EML6: variants seen among roughly 807,000 people sequenced by gnomAD.
The protein encoded by EML6 is echinoderm microtubule-associated protein-like 6.
EML6 carries 154 observed loss-of-function variants against 240.1 expected under a neutral mutation model. The ratio of observed to expected loss-of-function variants is 0.64; its 90% CI spans 0.56 to 0.73. The LOEUF is 0.73. EML6 is among the 30% of genes least tolerant of loss of function. The pLI, the probability that EML6 is intolerant of heterozygous loss-of-function variation, is 0.00. For missense variants in EML6, 2,964 were observed against 2,474.6 expected (o/e 1.20, Z -4.20); for synonymous variants, 1,148 against 899.0 (o/e 1.28, Z -4.95).
At chr2:54,908,746 A>G (rs1673479157) in intron 24 of EML6, among the ~76,000 whole-genome samples, 1 of 152,130 alleles carries the variant, frequency 6.6e-6, no homozygotes, top group Non-Finnish European at 1.5e-5. Context: ...CACAGGCCCA[A>G]AGTCCACATC....
At chr2:54,898,376 A>G (rs1352195112) in intron 21 of EML6, among the ~76,000 whole-genome samples, 1 of 152,178 alleles carries the variant, frequency 6.6e-6, no homozygotes, top group Non-Finnish European at 1.5e-5. Flanking sequence ...GGCTCAGTCT[A>G]TAGAAGAGCT....
At chr2:54,807,316 C>T (rs1408142282) in intron 2 of EML6, among the ~76,000 whole-genome samples, 1 of 152,108 alleles carries the variant, frequency 6.6e-6, no homozygotes, top group African/African-American at 2.4e-5. Flanking sequence ...AGCTATCAGC[C>T]AACATTTGTG....
intron 2 of EML6, among the ~76,000 whole-genome samples, chr2:54,791,265 GTCCT>G (rs1669436118): frequency 6.6e-6 from 1 of 152,312 alleles, no homozygotes; most frequent in South Asian, 2.1e-4. Context: ...CACAGTTACA[GTCCT>G]GCCGGTATGC....
At chr2:54,762,999 ACCC>A (rs1558532127) in intron 2 of EML6, among the ~76,000 whole-genome samples, 1 of 152,038 alleles carries the variant, frequency 6.6e-6, no homozygotes, top group Admixed American at 6.6e-5. Context: ...TATACTGGTA[ACCC>A]CCCAATTCCA....
chr2:54,768,291 G>A (rs933519175), intron 2 of EML6, among the ~76,000 whole-genome samples: 3 of 152,076 alleles, frequency 2.0e-5, no homozygotes, highest in African/African-American at 7.2e-5. Context: ...TTCAGCAACT[G>A]TCAGAGAATC....
chr2:54,909,959 A>G (rs1047291109), intron 24 of EML6, among the ~76,000 whole-genome samples: 1 of 151,964 alleles, frequency 6.6e-6, no homozygotes, highest in African/African-American at 2.4e-5. Flanking sequence ...TTATTTTGGT[A>G]TTATTTTTCT....
intron 26 of EML6, 95 bp from the exon 27 acceptor site, chr2:54,928,218 G>A: frequency 1.0e-6 from 1 of 978,700 alleles, no homozygotes; most frequent in Non-Finnish European, 1.6e-6. Context: ...CTGTTGAACT[G>A]TTTCCTTTGT....
intron 24 of EML6, among the ~76,000 whole-genome samples, chr2:54,908,461 C>G (rs1174483662): frequency 6.6e-6 from 1 of 152,072 alleles, no homozygotes; most frequent in Admixed American, 6.6e-5. Flanking sequence ...GTAATAATAA[C>G]AGATGAGTTT....
chr2:54,806,899 C>T (rs1670524070), intron 2 of EML6, among the ~76,000 whole-genome samples: 1 of 152,034 alleles, frequency 6.6e-6, no homozygotes, highest in South Asian at 2.1e-4. Flanking sequence ...AGAAACTGTT[C>T]TTTGCCAGTA....
intron 13 of EML6, among the ~76,000 whole-genome samples, chr2:54,865,071 A>G (rs1163350910): frequency 1.3e-5 from 2 of 152,234 alleles, no homozygotes; most frequent in African/African-American, 2.4e-5. Flanking sequence ...TGGAAATATT[A>G]TGCAAACACT....
chr2:54,969,079 G>A (rs1191285166), intron 41 of EML6, among the ~76,000 whole-genome samples: 1 of 152,206 alleles, frequency 6.6e-6, no homozygotes, highest in Non-Finnish European at 1.5e-5. Flanking sequence ...GATTTGAGTA[G>A]AAGCTCTTGG....
chr2:54,928,657 A>G lies in EML6; in HGVS notation c.3910A>G (p.Ile1304Val), dbSNP rs1344469079. Residue 1304 changes from isoleucine (I) to valine (V), a missense_variant, in exon 28 of 42, where the codon ATT (isoleucine) becomes GTT (valine). Ile to Val is a conservative substitution (Grantham distance 29). Transcript: ENST00000356458. The stretch of plus-strand genomic sequence containing the variant: ...CAGCGATGTTGCTAGAGAAAAGGCC[A>G]TTGACTACACCACCAAGATTTATGC... ...YDSDVAREKA[I>V]DYTTKIYAVS... 3 of 1,552,002 alleles carry G rather than the reference A, an allele frequency of 1.9e-6. No individual in the cohort carries two copies. The highest frequency in any genetic ancestry group is 4.9e-5 in the East Asian group (2 of 40,926).
intron 25 of EML6, among the ~76,000 whole-genome samples, chr2:54,916,025 G>A (rs1476661545): frequency 1.3e-5 from 2 of 152,152 alleles, no homozygotes; most frequent in African/African-American, 4.8e-5. Flanking sequence ...AAATATTCTA[G>A]CCAAGAATTT....
chr2:54,896,586 G>A (rs532987149), intron 21 of EML6, among the ~76,000 whole-genome samples: 24 of 152,282 alleles, frequency 1.6e-4, no homozygotes, highest in Middle Eastern at 3.4e-3. Flanking sequence ...GGTGAGGGGT[G>A]AAGGATGTGT....
chr2:54,900,721 C>G (rs990597704), intron 22 of EML6, among the ~76,000 whole-genome samples: 1 of 152,176 alleles, frequency 6.6e-6, no homozygotes, highest in Non-Finnish European at 1.5e-5. Flanking sequence ...CAAAGTCAAC[C>G]TGAAACCAGA....
rs2104388344 is a variant in EML6, at chr2:54,928,339, T to C, written c.3702T>C (p.Tyr1234=). 1 of 1,551,810 alleles carries C rather than the reference T, an allele frequency of 6.4e-7. No homozygotes were observed. Residue 1234 remains tyrosine, a synonymous_variant, in exon 27 of 42, where the codon TAT becomes TAC. Transcript: ENST00000356458. ...VKGQHARFKK[Y]VGHSAHVTNV... is the part of the protein sequence containing the mutation. ...GACAGCACGCAAGATTCAAGAAGTA[T>C]GTGGGGCACAGTGCACATGTCACTA...
chr2:54,742,193 C>G (rs149207062), intron 2 of EML6, among the ~76,000 whole-genome samples: 1 of 152,152 alleles, frequency 6.6e-6, no homozygotes, highest in Non-Finnish European at 1.5e-5. Flanking sequence ...TTAAAAACTC[C>G]GGCCAACTCT....
chr2:54,811,659 G>A (rs534120742), intron 2 of EML6, among the ~76,000 whole-genome samples: 5 of 152,326 alleles, frequency 3.3e-5, no homozygotes, highest in African/African-American at 1.2e-4. Flanking sequence ...AAGTGAATGA[G>A]CTAAAATATA....
intron 2 of EML6, among the ~76,000 whole-genome samples, chr2:54,755,803 G>A (rs1283119668): frequency 6.6e-6 from 1 of 152,064 alleles, no homozygotes; most frequent in African/African-American, 2.4e-5. Context: ...GGGACTACAG[G>A]TGCAGGCAAC....
Sources: allele counts gnomAD v4.1 joint callset (sites outside exome capture counted in the v4.1 genomes callset), GRCh38; gene constraint gnomAD v4.1.1; transcripts MANE v1.5; gene names NCBI Gene and HGNC (gene_info 2026-07-23, HGNC 2026-07-21).